RBFOX1: variants seen among roughly 807,000 people sequenced by gnomAD.
RBFOX1 encodes the protein RNA binding protein fox-1 homolog 1.
Under a neutral mutation model 57.7 loss-of-function variants are expected in RBFOX1, and 8 were observed. That is an observed-to-expected ratio of 0.14 (90% CI 0.08 to 0.25). The LOEUF (loss-of-function observed/expected upper bound fraction) is 0.25. Among genes scored for constraint, RBFOX1 ranks in the 10% least tolerant of loss-of-function variants. The probability of loss-of-function intolerance (pLI) is 1.00; values close to 1 mark genes in which losing one functional copy is unlikely to be tolerated. For missense variants in RBFOX1, 611 were observed against 548.5 expected (o/e 1.11, Z -1.14); for synonymous variants, 326 against 222.4 (o/e 1.47, Z -4.15).
intron 3 of RBFOX1, among the ~76,000 whole-genome samples, chr16:5,861,775 G>A (rs927085827): frequency 1.3e-5 from 2 of 152,180 alleles, no homozygotes; most frequent in East Asian, 1.9e-4. Flanking sequence ...GTTGCAAAGT[G>A]CAAAGGATGT....
intron 3 of RBFOX1, among the ~76,000 whole-genome samples, chr16:5,825,719 T>C (rs1397020840): frequency 6.6e-6 from 1 of 151,964 alleles, no homozygotes; most frequent in South Asian, 2.1e-4. Flanking sequence ...AAGCAATCAC[T>C]CCCTGTTTCC....
chr16:6,981,289 G>T (rs1017477409), intron 3 of RBFOX1, among the ~76,000 whole-genome samples: 15 of 151,836 alleles, frequency 9.9e-5, no homozygotes, highest in African/African-American at 2.4e-4. Context: ...CCTCCAAAAG[G>T]CCCCTGTGTT....
intron 3 of RBFOX1, among the ~76,000 whole-genome samples, chr16:5,765,226 C>G (rs762038277): frequency 6.6e-6 from 1 of 152,180 alleles, no homozygotes; most frequent in African/African-American, 2.4e-5. Flanking sequence ...AATCTGATCA[C>G]TGGATCCCAA....
chr16:6,553,718 A>G (rs977498976), intron 2 of RBFOX1, among the ~76,000 whole-genome samples: 1 of 152,136 alleles, frequency 6.6e-6, no homozygotes, highest in African/African-American at 2.4e-5. Context: ...TGGTTGGAAG[A>G]ATGGAGGAGA....
intron 1 of RBFOX1, among the ~76,000 whole-genome samples, chr16:6,215,128 G>A (rs2097327167): frequency 7.5e-6 from 1 of 133,900 alleles, no homozygotes; most frequent in South Asian, 2.8e-4. Flanking sequence ...GGGGAAGAGA[G>A]AAGGAGAAGA....
chr16:6,266,187 C>T (rs1017208682), intron 1 of RBFOX1, among the ~76,000 whole-genome samples: 2 of 152,122 alleles, frequency 1.3e-5, no homozygotes, highest in African/African-American at 2.4e-5. Flanking sequence ...TCTCTATCAG[C>T]CTGGACCCTT....
chr16:6,122,743 G>T (rs1447167036), intron 1 of RBFOX1, among the ~76,000 whole-genome samples: 3 of 151,866 alleles, frequency 2.0e-5, no homozygotes, highest in African/African-American at 7.3e-5. Flanking sequence ...AAAGCCACGG[G>T]ACCTTTGTCA....
rs992750432 is a variant in RBFOX1 at position 5,946,095 on chromosome 16, C to T, written c.351+78760C>T. Reference sequence around the variant, plus strand: ...GGTTTTAATTAGTGGACTGACTTACCCGCTATTCTTGTCTTTTTAAAAAAG... The same window carrying T: ...GGTTTTAATTAGTGGACTGACTTACTCGCTATTCTTGTCTTTTTAAAAAAG... On this transcript the variant is annotated intron_variant, in intron 4 of 19. Transcript: ENST00000641259. This position sits in a 1 kb window ranked among gnomAD's most constrained non-coding sequence, Gnocchi z 4.6. Among the ~76,000 whole-genome samples the T allele has an allele frequency of 1.6e-4, 24 of 152,104 alleles. No homozygotes were observed. The highest frequency in any genetic ancestry group is 7.2e-5 in the African/African-American group (3 of 41,414).
At chr16:5,423,240 C>G (rs1407179875) in intron 1 of RBFOX1, among the ~76,000 whole-genome samples, 1 of 152,080 alleles carries the variant, frequency 6.6e-6, no homozygotes, top group East Asian at 1.9e-4. Flanking sequence ...TCTTGTACAA[C>G]TATAGCCCAG....
chr16:7,250,553 T>G (rs2094466237), intron 4 of RBFOX1, among the ~76,000 whole-genome samples: 1 of 152,128 alleles, frequency 6.6e-6, no homozygotes, highest in Non-Finnish European at 1.5e-5. Flanking sequence ...TCCAAGAAAG[T>G]AAACTACCTG....
At chr16:6,853,950 CTT>C (rs935763480) in intron 3 of RBFOX1, among the ~76,000 whole-genome samples, 7 of 152,088 alleles carry the variant, frequency 4.6e-5, no homozygotes, top group Admixed American at 6.5e-5. Context: ...GTCTAGGTAA[CTT>C]TTATTTTTTC....
chr16:6,559,660 A>G (rs1476173110), intron 2 of RBFOX1, among the ~76,000 whole-genome samples: 2 of 152,122 alleles, frequency 1.3e-5, no homozygotes, highest in African/African-American at 2.4e-5. Context: ...ATATATACCC[A>G]CACACACAAA....
chr16:6,939,687 T>C (rs1480066138), intron 3 of RBFOX1, among the ~76,000 whole-genome samples: 3 of 151,948 alleles, frequency 2.0e-5, no homozygotes, highest in East Asian at 1.9e-4. Flanking sequence ...AATTTTTGTA[T>C]CTTTGGTAGA....
At chr16:7,151,588 G>T (rs2076118026) in intron 4 of RBFOX1, among the ~76,000 whole-genome samples, 1 of 152,116 alleles carries the variant, frequency 6.6e-6, no homozygotes, top group East Asian at 1.9e-4. Context: ...TTTTTCCAGG[G>T]ATGGGAAAAT....
chr16:7,018,612 C>G (rs544462795), intron 3 of RBFOX1, among the ~76,000 whole-genome samples: 5 of 152,018 alleles, frequency 3.3e-5, no homozygotes, highest in African/African-American at 9.7e-5. Flanking sequence ...ATGACTGGGT[C>G]AAATGTTATT....
At chr16:7,657,921 C>A (rs2066732247) in intron 12 of RBFOX1, among the ~76,000 whole-genome samples, 1 of 152,156 alleles carries the variant, frequency 6.6e-6, no homozygotes, top group African/African-American at 2.4e-5. Flanking sequence ...ATTTTATAGT[C>A]CTAGGAAGAC....
intron 4 of RBFOX1, among the ~76,000 whole-genome samples, chr16:7,302,528 G>T (rs561591147): frequency 7.2e-5 from 11 of 151,830 alleles, no homozygotes; most frequent in African/African-American, 2.7e-4. Context: ...TCTCAGGTAC[G>T]GTTCCGTCCT....
chr16:5,708,467 A>C (rs901965342), intron 3 of RBFOX1, among the ~76,000 whole-genome samples: 2 of 152,220 alleles, frequency 1.3e-5, no homozygotes, highest in African/African-American at 4.8e-5. Flanking sequence ...TTATAATTTC[A>C]GGCTATTAGT....
intron 1 of RBFOX1, among the ~76,000 whole-genome samples, chr16:6,052,838 T>TAA (rs1567340009): frequency 2.3e-5 from 2 of 87,170 alleles, no homozygotes; most frequent in Middle Eastern, 6.4e-3. Flanking sequence ...AATAATAATA[T>TAA]TAATGCCTAT....
Sources: gnomAD v4.1 joint callset for allele counts (sites outside exome capture counted in the v4.1 genomes callset) on GRCh38, gnomAD v4.1.1 for gene constraint, Gnocchi (gnomAD v3.1) non-coding constraint, MANE v1.5 for transcripts, NCBI Gene and HGNC (gene_info 2026-07-23, HGNC 2026-07-21) for gene names.